PDIA5: variants seen among roughly 807,000 people sequenced by gnomAD.
The protein encoded by PDIA5 is protein disulfide isomerase family A member 5, also known as protein disulfide-isomerase A5.
PDIA5 carries 58 observed loss-of-function variants against 77.6 expected under a neutral mutation model. That is an observed-to-expected ratio of 0.75 (90% CI 0.61 to 0.93). The LOEUF is 0.93. Ranked by LOEUF, PDIA5 falls within the 40% of genes least tolerant of loss-of-function variation. PDIA5 has a pLI of 0.00. For synonymous variants in PDIA5, 250 were observed against 252.1 expected (o/e 0.99, Z 0.08); for missense variants, 630 against 647.7 (o/e 0.97, Z 0.30).
chr3:123,125,066 T>A (rs903768409), intron 10 of PDIA5, among the ~76,000 whole-genome samples: 5 of 152,146 alleles, frequency 3.3e-5, no homozygotes, highest in Non-Finnish European at 7.4e-5. Context: ...TCCTGCCAGA[T>A]CACCCCATTC....
At chr3:123,076,467 C>G (rs1933863135) in intron 1 of PDIA5, among the ~76,000 whole-genome samples, 1 of 152,190 alleles carries the variant, frequency 6.6e-6, no homozygotes, top group Admixed American at 6.5e-5. Flanking sequence ...GTGCTACTCA[C>G]TGATGTTTTC....
chr3:123,112,584 T>C (rs1045177212), intron 7 of PDIA5, among the ~76,000 whole-genome samples: 2 of 142,974 alleles, frequency 1.4e-5, no homozygotes. Context: ...AGCCTTGCTC[T>C]GTTGCCCAGG....
intron 8 of PDIA5, among the ~76,000 whole-genome samples, chr3:123,118,153 C>T (rs892251959): frequency 6.6e-6 from 1 of 152,230 alleles, no homozygotes; most frequent in African/African-American, 2.4e-5. Context: ...AATGCTTTCT[C>T]TTTTGACCTC....
chr3:123,082,323 C>G (rs994505975), intron 1 of PDIA5, among the ~76,000 whole-genome samples: 1 of 152,038 alleles, frequency 6.6e-6, no homozygotes, highest in African/African-American at 2.4e-5. Context: ...TCGGGAGGCC[C>G]AAGTTCTAGT....
At chr3:123,146,289 T>C in intron 13 of PDIA5, 30 bp downstream of exon 13, 1 of 1,599,346 alleles carries the variant, frequency 6.3e-7, no homozygotes, top group Non-Finnish European at 8.5e-7. Flanking sequence ...TAGCACATCC[T>C]AACTGCCAGC....
In PDIA5 at chr3:123,145,503, T is replaced by C. The variant is rs780383905; in HGVS notation, c.911-19T>C. ...GCCTCTGTGCCATAAGAATGGTTTCTCTTGATCTCTCCCCACAGGGTGTGG... is the reference window on the plus strand; with the variant it reads ...GCCTCTGTGCCATAAGAATGGTTTCCCTTGATCTCTCCCCACAGGGTGTGG... On this transcript the variant is annotated intron_variant, in intron 11 of 16. Coordinates refer to ENST00000316218, the MANE Select transcript of PDIA5 (RefSeq NM_006810.4). 4 of 1,610,754 alleles carry C rather than the reference T, an allele frequency of 2.5e-6. No homozygotes were observed. In the South Asian group the frequency reaches 4.4e-5, roughly 18 times the overall value.
At chr3:123,067,503 G>A in intron 1 of PDIA5, 1 of 364,894 alleles carries the variant, frequency 2.7e-6, no homozygotes, top group East Asian at 3.9e-5. Context: ...GCAGGTCGGG[G>A]CACAGCCGGT....
At chr3:123,074,154 T>A (rs565646036) in intron 1 of PDIA5, among the ~76,000 whole-genome samples, 9 of 152,348 alleles carry the variant, frequency 5.9e-5, no homozygotes, top group South Asian at 2.1e-4. Context: ...GATACTTCTT[T>A]TTTTTCCCAA....
chr3:123,111,307 G>A (rs973589968), intron 7 of PDIA5, among the ~76,000 whole-genome samples: 6 of 152,206 alleles, frequency 3.9e-5, no homozygotes, highest in African/African-American at 1.4e-4. Flanking sequence ...ATTTCCTGCT[G>A]GTGGTGCCAT....
At chr3:123,107,915 C>T (rs1242318830) in intron 6 of PDIA5, among the ~76,000 whole-genome samples, 2 of 152,166 alleles carry the variant, frequency 1.3e-5, no homozygotes, top group South Asian at 2.1e-4. Flanking sequence ...AATCCTGCTT[C>T]GACCTCCTAA....
intron 15 of PDIA5, among the ~76,000 whole-genome samples, chr3:123,160,161 T>C (rs3845912): frequency 0.03 from 4,523 of 152,282 alleles, 225 homozygotes; most frequent in African/African-American, 0.1. Flanking sequence ...GGTTTCAGTG[T>C]GTGTTGCCTG....
chr3:123,161,487 C>T (rs768372502), intron 16 of PDIA5, 32 bp downstream of exon 16: 2 of 1,604,214 alleles, frequency 1.2e-6, no homozygotes, highest in East Asian at 2.2e-5. Context: ...GCCCAGAGCT[C>T]TCTCTCTGCT....
chr3:123,156,121 G>GCTAGGATCACCTTAACAGGCC (rs936304157), intron 15 of PDIA5, among the ~76,000 whole-genome samples: 8 of 152,170 alleles, frequency 5.3e-5, no homozygotes, highest in African/African-American at 1.9e-4. Flanking sequence ...AGATACAGGT[G>GCTAGGATCACCTTAACAGGCC]CTAGGATCAC....
chr3:123,119,077 C>G (rs947095700), intron 8 of PDIA5, among the ~76,000 whole-genome samples: 1 of 151,894 alleles, frequency 6.6e-6, no homozygotes, highest in Non-Finnish European at 1.5e-5. Flanking sequence ...ATAGTGAAAC[C>G]CCATGTCTAC....
chr3:123,070,687 A>G (rs866948517), intron 1 of PDIA5, among the ~76,000 whole-genome samples: 17 of 152,216 alleles, frequency 1.1e-4, no homozygotes, highest in Non-Finnish European at 1.6e-4. Flanking sequence ...CCCTGCTCCC[A>G]TCCCTGCGCT....
intron 8 of PDIA5, among the ~76,000 whole-genome samples, chr3:123,119,304 A>G (rs1208304700): frequency 6.6e-6 from 1 of 152,140 alleles, no homozygotes; most frequent in Non-Finnish European, 1.5e-5. Context: ...GTCTAGAAAT[A>G]TAAAAGTTAC....
At chr3:123,126,960 G>A (rs888690156) in intron 10 of PDIA5, among the ~76,000 whole-genome samples, 5 of 152,168 alleles carry the variant, frequency 3.3e-5, no homozygotes, top group Admixed American at 2.0e-4. Context: ...TAATGGCCAC[G>A]TATCTCATTG....
chr3:123,134,483 C>A (rs955607833), intron 11 of PDIA5, among the ~76,000 whole-genome samples: 8 of 152,124 alleles, frequency 5.3e-5, no homozygotes, highest in African/African-American at 1.9e-4. Context: ...CACACGGCAC[C>A]CCTCCCCGTT....
chr3:123,076,430 C>G (rs1415596443), intron 1 of PDIA5, among the ~76,000 whole-genome samples: 1 of 152,168 alleles, frequency 6.6e-6, no homozygotes, highest in Non-Finnish European at 1.5e-5. Flanking sequence ...ACACACTGGG[C>G]TCACTGAATG....
Sources: allele counts gnomAD v4.1 joint callset (sites outside exome capture counted in the v4.1 genomes callset), GRCh38; gene constraint gnomAD v4.1.1; transcripts MANE v1.5; gene names NCBI Gene and HGNC (gene_info 2026-07-23, HGNC 2026-07-21).